Variants in SYN3 observed in about 807,000 individuals in gnomAD.
SYN3 encodes synapsin III.
A neutral mutation model predicts 65.8 loss-of-function variants in SYN3; 35 were observed. That is an observed-to-expected ratio of 0.53 (90% CI 0.41 to 0.70). SYN3 has a LOEUF of 0.70. SYN3 is among the 30% of genes least tolerant of loss of function. The pLI is 0.00. For synonymous variants in SYN3, 270 were observed against 292.9 expected (o/e 0.92, Z 0.80); for missense variants, 680 against 749.0 (o/e 0.91, Z 1.08).
At chr22:32,792,891 T>G (rs1169687244) in intron 6 of SYN3, among the ~76,000 whole-genome samples, 3 of 152,186 alleles carry the variant, frequency 2.0e-5, no homozygotes, top group Non-Finnish European at 4.4e-5. Flanking sequence ...GAGTGCTGGT[T>G]TGGAAAGAGA....
intron 3 of SYN3, 131 bp from the exon 4 acceptor site, chr22:32,931,612 T>C (rs2050637112): frequency 7.9e-6 from 5 of 632,976 alleles, no homozygotes; most frequent in South Asian, 7.3e-5. Flanking sequence ...AAGTTGCCGA[T>C]ATTATTTTCA....
At chr22:32,802,128 C>T in intron 6 of SYN3, 2 of 1,579,278 alleles carry the variant, frequency 1.3e-6, no homozygotes, top group Non-Finnish European at 1.7e-6. Context: ...CATCGGTAAG[C>T]GCTCCTGGTG....
In SYN3 at chr22:32,837,198, AT is replaced by A. The variant is rs1555978061; in HGVS notation, c.711+27716del. Among the ~76,000 whole-genome samples, 1 of 152,148 alleles carries A rather than the reference AT, an allele frequency of 6.6e-6. No individual in the cohort carries two copies. Among genetic ancestry groups the A allele is most frequent in the Non-Finnish European group, 1.5e-5 (1 of 68,030 alleles). ...TCTGAGAACCGTTTGAGGGCATGGT[AT>A]TTTTCTGGGCACTGCTTCAAAGGGG... is the stretch of plus-strand genomic sequence containing the variant. On this transcript the variant is annotated intron_variant, in intron 6 of 13. Coordinates refer to ENST00000358763, the MANE Select transcript of SYN3 (RefSeq NM_003490.4). This position sits in a 1 kb window ranked among gnomAD's most constrained non-coding sequence, Gnocchi z 4.1.
intron 6 of SYN3, among the ~76,000 whole-genome samples, chr22:32,809,215 T>C (rs1197709597): frequency 6.6e-6 from 1 of 152,214 alleles, no homozygotes; most frequent in African/African-American, 2.4e-5. Flanking sequence ...ACTTGCAACC[T>C]ATACTTGCTT....
chr22:32,679,340 G>T (rs913947328), intron 6 of SYN3, among the ~76,000 whole-genome samples: 3 of 151,354 alleles, frequency 2.0e-5, no homozygotes, highest in African/African-American at 7.3e-5. Flanking sequence ...CATGAGCACC[G>T]CGCCTGGCAA....
intron 6 of SYN3, among the ~76,000 whole-genome samples, chr22:32,610,565 T>TTTTTG (rs59707741): frequency 0.13 from 19,263 of 150,306 alleles, 1,556 homozygotes; most frequent in Non-Finnish European, 0.19. Flanking sequence ...TGTATGTGTG[T>TTTTTG]TTTTGTTTTG....
chr22:32,944,657 C>T (rs1028755767), intron 3 of SYN3, among the ~76,000 whole-genome samples: 2 of 152,172 alleles, frequency 1.3e-5, no homozygotes, highest in African/African-American at 4.8e-5. Context: ...CCTCTCTCAC[C>T]ACTCCTATTC....
intron 7 of SYN3, among the ~76,000 whole-genome samples, chr22:32,595,342 G>C (rs1408333148): frequency 1.3e-5 from 2 of 152,206 alleles, no homozygotes; most frequent in African/African-American, 4.8e-5. Flanking sequence ...AAGAGATAAA[G>C]AGGGAGATCA....
Position 32,859,682 on chromosome 22 carries a change from TA to T in SYN3, c.711+5232del, listed in dbSNP as rs2048481695. 3 of 371,042 alleles carry T rather than the reference TA, an allele frequency of 8.1e-6. No individual in the cohort carries two copies. In the South Asian group the frequency reaches 1.2e-4, roughly 15 times the overall value. 23.0% of individuals were successfully genotyped at this position (371,042 alleles called of 1,614,324 possible). On this transcript the variant is annotated intron_variant, in intron 6 of 13. Coordinates refer to ENST00000358763, the MANE Select transcript of SYN3 (RefSeq NM_003490.4). ...CGTGATAATATAATCTCTATTTTTTTAGGAAAACAAAAATGAAAAACTACTC... is the reference window on the plus strand; with the variant it reads ...CGTGATAATATAATCTCTATTTTTTTGGAAAACAAAAATGAAAAACTACTC...
intron 1 of SYN3, among the ~76,000 whole-genome samples, chr22:33,037,277 C>T (rs2053879601): frequency 6.6e-6 from 1 of 152,112 alleles, no homozygotes; most frequent in Admixed American, 6.5e-5. Flanking sequence ...TGCCCGCTTG[C>T]TGCCCAGATT....
intron 4 of SYN3, among the ~76,000 whole-genome samples, chr22:32,906,755 G>A (rs2049913411): frequency 1.3e-5 from 2 of 152,106 alleles, no homozygotes; most frequent in African/African-American, 4.8e-5. Flanking sequence ...AGAACATGAG[G>A]TGTTTGGTTT....
chr22:32,852,117 C>A (rs1463660628), intron 6 of SYN3, among the ~76,000 whole-genome samples: 1 of 152,208 alleles, frequency 6.6e-6, no homozygotes, highest in Non-Finnish European at 1.5e-5. Context: ...CTTATACTAA[C>A]ACTGTAAAAT....
intron 3 of SYN3, among the ~76,000 whole-genome samples, chr22:32,965,610 C>T (rs927525397): frequency 4.0e-5 from 6 of 149,948 alleles, no homozygotes; most frequent in African/African-American, 1.5e-4. Context: ...GAGAGAGAGA[C>T]AGATAGATAA....
intron 6 of SYN3, among the ~76,000 whole-genome samples, chr22:32,815,095 G>A (rs1425062301): frequency 1.3e-5 from 2 of 152,168 alleles, no homozygotes; most frequent in South Asian, 2.1e-4. Context: ...GTTAGTGGCC[G>A]CCATGTTAAT....
intron 4 of SYN3, among the ~76,000 whole-genome samples, chr22:32,902,596 A>G (rs1214347267): frequency 1.3e-5 from 2 of 152,202 alleles, no homozygotes; most frequent in African/African-American, 4.8e-5. Context: ...CACCTTGCTA[A>G]TAAATGGTAG....
rs2046575300 is a variant in SYN3 at position 32,801,508 on chromosome 22, A to C, written c.711+63407T>G. Among the ~76,000 whole-genome samples, 1 of 152,132 alleles carries C rather than the reference A, an allele frequency of 6.6e-6. No individual in the cohort carries two copies. Among genetic ancestry groups the C allele is most frequent in the South Asian group, 2.1e-4 (1 of 4,834 alleles). On this transcript the variant is annotated intron_variant, in intron 6 of 13. Coordinates refer to ENST00000358763, the MANE Select transcript of SYN3 (RefSeq NM_003490.4). This position sits in a 1 kb window ranked among gnomAD's most constrained non-coding sequence, Gnocchi z 4.7. The stretch of plus-strand genomic sequence containing the variant: ...CACCCACTCGCGTGCCCACGGCGGC[A>C]TTATTCCCTATAAGGATCTGAACGA...
chr22:32,928,950 A>G (rs1008767147), intron 4 of SYN3, among the ~76,000 whole-genome samples: 3 of 152,098 alleles, frequency 2.0e-5, no homozygotes, highest in African/African-American at 7.2e-5. Context: ...AATTTTGATT[A>G]CTGTAGTTTT....
At chr22:32,932,613 C>T (rs1237138192) in intron 3 of SYN3, among the ~76,000 whole-genome samples, 1 of 152,098 alleles carries the variant, frequency 6.6e-6, no homozygotes, top group Non-Finnish European at 1.5e-5. Context: ...ACAGACCTAC[C>T]TTTGGATTTT....
intron 2 of SYN3, among the ~76,000 whole-genome samples, chr22:32,982,241 G>T (rs1268720324): frequency 2.6e-5 from 4 of 151,954 alleles, no homozygotes; most frequent in African/African-American, 4.8e-5. Context: ...CTCCACCAAA[G>T]ATTTATTATT....
Sources: gnomAD v4.1 joint callset for allele counts (sites outside exome capture counted in the v4.1 genomes callset) on GRCh38, gnomAD v4.1.1 for gene constraint, Gnocchi (gnomAD v3.1) non-coding constraint, MANE v1.5 for transcripts, NCBI Gene and HGNC (gene_info 2026-07-23, HGNC 2026-07-21) for gene names.